The following SYAP1 variants were observed in gnomAD, a reference collection of about 807,000 sequenced individuals.
SYAP1 encodes the protein synapse-associated protein 1.
In SYAP1, 3 loss-of-function variants were observed where a neutral mutation model predicts 29.6. That is an observed-to-expected ratio of 0.10 (90% CI 0.05 to 0.26). The LOEUF (loss-of-function observed/expected upper bound fraction) is 0.26. Among genes scored for constraint, SYAP1 ranks in the 10% least tolerant of loss-of-function variants. The pLI, the probability that SYAP1 is intolerant of heterozygous loss-of-function variation, is 1.00. For synonymous variants in SYAP1, 102 were observed against 102.7 expected, an observed-to-expected ratio of 0.99 and a Z score of 0.04; for missense variants, 217 against 264.1, an observed-to-expected ratio of 0.82 and a Z score of 1.24.
At chrX:16,741,637 C>A in intron 3 of SYAP1, 79 bp from the exon 4 acceptor site, 1 of 716,043 alleles carries the variant, frequency 1.4e-6, no homozygotes. Context: ...AACTTTCATG[C>A]TTTGAAACCA....
chrX:16,755,167 T>C lies in SYAP1; in HGVS notation c.724+74T>C, dbSNP rs940304230. 6 of 1,035,591 alleles carry C rather than the reference T, an allele frequency of 5.8e-6. No individual in the cohort carries two copies. The South Asian group carries it at 6.2e-5, about 11-fold the overall frequency. The allele number at this position is 1,035,591 out of a possible 1,213,427, so 85.3% of individuals were successfully genotyped here. The stretch of plus-strand genomic sequence containing the variant: ...AGACTCAAATGAGCTTGACCTCTTA[T>C]ACGTACCAGAAATGTCATTGCCTTA... On this transcript the variant is annotated intron_variant, in intron 6 of 8. Transcript: ENST00000380155.
intron 5 of SYAP1, among the ~76,000 whole-genome samples, chrX:16,751,975 C>CTTTTTT (rs773120810): frequency 7.1e-5 from 4 of 56,662 alleles, no homozygotes; most frequent in African/African-American, 9.2e-5. Context: ...TGCACCCGGC[C>CTTTTTT]TTTTTTTTTT....
intron 1 of SYAP1, among the ~76,000 whole-genome samples, chrX:16,722,840 G>T (rs1268864452): frequency 8.9e-6 from 1 of 111,965 alleles, no homozygotes; most frequent in Admixed American, 9.5e-5. Flanking sequence ...CTCCCTCAAG[G>T]CCCCATGCCG....
rs933354918 is a variant in SYAP1, at chrX:16,760,927, T to C, written c.*568T>C. 1 of 111,800 alleles carries C rather than the reference T, an allele frequency of 8.9e-6. No individual in the cohort carries two copies. The highest frequency in any genetic ancestry group is 3.3e-5 in the African/African-American group (1 of 30,695). The allele number at this position is 111,800 out of a possible 1,213,427, so 9.2% of individuals were successfully genotyped here. ...GATATAAGCATCACACAATTTTACA[T>C]TAAGAAATACTGTGCAGGCCATGCG... is the stretch of plus-strand genomic sequence containing the variant. On this transcript the variant is annotated 3_prime_UTR_variant, in exon 9 of 9. Coordinates refer to ENST00000380155, the MANE Select transcript of SYAP1 (RefSeq NM_032796.4).
chrX:16,728,513 A>G (rs1926131217), intron 1 of SYAP1, among the ~76,000 whole-genome samples: 1 of 110,478 alleles, frequency 9.1e-6, no homozygotes, highest in African/African-American at 3.3e-5. Flanking sequence ...CAAAAATACA[A>G]ACAAAATTAG....
chrX:16,752,472 G>A (rs1926756804), intron 5 of SYAP1, among the ~76,000 whole-genome samples: 1 of 107,545 alleles, frequency 9.3e-6, no homozygotes, highest in African/African-American at 3.4e-5. Flanking sequence ...AATCACTTGA[G>A]ACCTAATGTT....
intron 6 of SYAP1, among the ~76,000 whole-genome samples, 157 bp downstream of exon 6, chrX:16,755,250 C>T (rs1926816755): frequency 8.9e-6 from 1 of 111,802 alleles, no homozygotes; most frequent in Admixed American, 9.6e-5. Context: ...TGCCTTCTCT[C>T]TGACCCAGCT....
In SYAP1 at chrX:16,755,169, C is replaced by T. The variant is rs763991695; in HGVS notation, c.724+76C>T. On this transcript the variant is annotated intron_variant, in intron 6 of 8. Coordinates refer to ENST00000380155, the MANE Select transcript of SYAP1 (RefSeq NM_032796.4). ...ACTCAAATGAGCTTGACCTCTTATA[C>T]GTACCAGAAATGTCATTGCCTTAGG... is the stretch of plus-strand genomic sequence containing the variant. 23 of 1,029,693 alleles carry T rather than the reference C, an allele frequency of 2.2e-5. No individual in the cohort carries two copies. In the East Asian group the frequency reaches 3.7e-4, roughly 16 times the overall value. 84.9% of individuals were successfully genotyped at this position (1,029,693 alleles called of 1,213,427 possible).
At chrX:16,742,918 C>CT (rs1431677801) in intron 4 of SYAP1, among the ~76,000 whole-genome samples, 26 of 87,950 alleles carry the variant, frequency 3.0e-4, no homozygotes, top group African/African-American at 1.1e-3. Context: ...CTGTCCGCTT[C>CT]TATTTTTTTT....
chrX:16,757,300 G>T lies in SYAP1; in HGVS notation c.922G>T (p.Val308Leu), dbSNP rs72616024. Reference sequence around the variant, plus strand: ...TGACAAAAAGCAAGAGGAGACAGCCGTACTGGAAGGTAAAAAACAAAACAA... The same window carrying T: ...TGACAAAAAGCAAGAGGAGACAGCCTTACTGGAAGGTAAAAAACAAAACAA... ...VLDKKQEETA[V>L]LEEDSADWEK... The change falls in exon 8 of 9, where the codon GTA becomes TTA. Residue 308 changes from valine to leucine, a missense_variant. Physicochemically the swap from Val to Leu is conservative, Grantham distance 32. Coordinates refer to ENST00000380155, the MANE Select transcript of SYAP1 (RefSeq NM_032796.4). The T allele has an allele frequency of 8.3e-7, 1 of 1,200,608 alleles. No individual in the cohort carries two copies. The highest frequency in any genetic ancestry group is 1.8e-5 in the South Asian group (1 of 54,765).
chrX:16,722,251 G>A (rs902459603), intron 1 of SYAP1, among the ~76,000 whole-genome samples: 1 of 111,584 alleles, frequency 9.0e-6, no homozygotes, highest in Non-Finnish European at 1.9e-5. Flanking sequence ...AATATCAGCC[G>A]GGTGCGGTGG....
At chrX:16,732,381 CTT>C (rs1266261464) in intron 1 of SYAP1, among the ~76,000 whole-genome samples, 3 of 93,557 alleles carry the variant, frequency 3.2e-5, no homozygotes, top group Admixed American at 1.2e-4. Flanking sequence ...AGGTCACTGG[CTT>C]TTTTTTTTTT....
intron 1 of SYAP1, among the ~76,000 whole-genome samples, chrX:16,726,750 C>T (rs372129587): frequency 2.7e-5 from 3 of 111,737 alleles, no homozygotes; most frequent in Non-Finnish European, 5.6e-5. Context: ...GCACTGAATG[C>T]AGCACTGAAG....
In SYAP1 at chrX:16,733,309, T is replaced by C. The variant is rs531294890; in HGVS notation, c.176-1918T>C. Among the ~76,000 whole-genome samples, 18 of 111,243 alleles carry C rather than the reference T, an allele frequency of 1.6e-4. No individual in the cohort carries two copies. In the South Asian group the frequency reaches 5.7e-3, roughly 35 times the overall value. ...CAATGGGAGGAAGTAGATTTTTAAA[T>C]GGGAAGCTGGTGAAAGGATCATTCA... On this transcript the variant is annotated intron_variant, in intron 1 of 8. Transcript: ENST00000380155.
chrX:16,750,527 C>T (rs5980330), intron 5 of SYAP1, among the ~76,000 whole-genome samples: 3,933 of 111,142 alleles, frequency 0.035, 189 homozygotes, highest in African/African-American at 0.12. Context: ...ATAATTCCAC[C>T]GGTAAATGTT....
Position 16,719,641 on chromosome X carries a change from G to C in SYAP1, c.-84G>C. 6 of 1,052,085 alleles carry C rather than the reference G, an allele frequency of 5.7e-6. No individual in the cohort carries two copies. Among genetic ancestry groups the C allele is most frequent in the Non-Finnish European group, 7.6e-6 (6 of 793,772 alleles). The allele number at this position is 1,052,085 out of a possible 1,213,427, so 86.7% of individuals were successfully genotyped here. A position where few individuals can be genotyped will look rare whatever the true frequency, so the allele number is the denominator to read the frequency against. On this transcript the variant is annotated 5_prime_UTR_variant, in exon 1 of 9. Coordinates refer to ENST00000380155, the MANE Select transcript of SYAP1 (RefSeq NM_032796.4). ...CTCCGACTTCCGGACATCTCCCTGGGAGTCGCGCAGAGTGGAGTCAAAGGC... is the reference window on the plus strand; with the variant it reads ...CTCCGACTTCCGGACATCTCCCTGGCAGTCGCGCAGAGTGGAGTCAAAGGC...
At chrX:16,721,049 T>G (rs990783119) in intron 1 of SYAP1, among the ~76,000 whole-genome samples, 4 of 105,498 alleles carry the variant, frequency 3.8e-5, no homozygotes, top group African/African-American at 7.0e-5. Flanking sequence ...AAAGCATCTT[T>G]GAGGAGGTGA....
chrX:16,758,639 A>G (rs1308073882), intron 8 of SYAP1, among the ~76,000 whole-genome samples: 2 of 109,971 alleles, frequency 1.8e-5, no homozygotes, highest in Non-Finnish European at 3.8e-5. Context: ...CCTGGCCCCA[A>G]TAGTCTTTTA....
intron 1 of SYAP1, among the ~76,000 whole-genome samples, chrX:16,732,827 C>T (rs901229081): frequency 8.9e-6 from 1 of 112,092 alleles, no homozygotes; most frequent in African/African-American, 3.2e-5. Flanking sequence ...ACTGGTCATC[C>T]GCTGGGGATA....
Sources: gnomAD v4.1 joint callset for allele counts (sites outside exome capture counted in the v4.1 genomes callset) on GRCh38, gnomAD v4.1.1 for gene constraint, MANE v1.5 for transcripts, NCBI Gene and HGNC (gene_info 2026-07-23, HGNC 2026-07-21) for gene names.